Variants in PREX1 observed in about 807,000 individuals in gnomAD.
The protein encoded by PREX1 is phosphatidylinositol-3,4,5-trisphosphate dependent Rac exchange factor 1, also known as phosphatidylinositol 3,4,5-trisphosphate-dependent Rac exchanger 1 protein.
PREX1 carries 41 observed loss-of-function variants against 198.3 expected under a neutral mutation model. The ratio of observed to expected loss-of-function variants is 0.21; its 90% confidence interval spans 0.16 to 0.27. The LOEUF is 0.27. Among genes scored for constraint, PREX1 ranks in the 10% least tolerant of loss-of-function variants. The pLI, the probability that PREX1 is intolerant of heterozygous loss-of-function variation, is 1.00. For synonymous variants in PREX1, 843 were observed against 887.2 expected, an observed-to-expected ratio of 0.95 and a Z score of 0.89; for missense variants, 1,620 against 2,200.7, an observed-to-expected ratio of 0.74 and a Z score of 5.28.
chr20:48,714,493 T>A, intron 5 of PREX1, among the ~76,000 whole-genome samples: 1 of 152,048 alleles, frequency 6.6e-6, no homozygotes, highest in East Asian at 1.9e-4. Flanking sequence ...GATACACAAA[T>A]GTCCAATAAG....
intron 15 of PREX1, among the ~76,000 whole-genome samples, chr20:48,663,910 G>A (rs529219776): frequency 3.0e-4 from 45 of 150,126 alleles, no homozygotes; most frequent in East Asian, 2.1e-3. Flanking sequence ...GTGAGTGCGC[G>A]CACACACACA....
chr20:48,659,784 CT>C (rs2089576350), intron 16 of PREX1, 134 bp downstream of exon 16: 1 of 1,265,340 alleles, frequency 7.9e-7, no homozygotes, highest in African/African-American at 1.5e-5. Context: ...GAGTTGCCCC[CT>C]ACCACCTAGA....
At chr20:48,734,041 C>T (rs968051384) in intron 4 of PREX1, among the ~76,000 whole-genome samples, 5 of 152,178 alleles carry the variant, frequency 3.3e-5, no homozygotes, top group African/African-American at 1.2e-4. Flanking sequence ...CGTGAGTCCC[C>T]GCACCTGGCC....
Position 48,666,075 on chromosome 20 carries a change from C to G in PREX1, c.1738+208G>C, listed in dbSNP as rs1012487620. On this transcript the variant is annotated intron_variant, in intron 15 of 39. Coordinates refer to ENST00000371941, the MANE Select transcript of PREX1 (RefSeq NM_020820.4). This position sits in a 1 kb window ranked among gnomAD's most constrained non-coding sequence, Gnocchi z 4.3. ...GACTTCAAATCTAGCCCATGTCCTT[C>G]CAGCCATTTTGGTCCCCAGTGGACA... Among the ~76,000 whole-genome samples, 1 of 152,210 alleles carries G rather than the reference C, an allele frequency of 6.6e-6. No individual in the cohort carries two copies. Among genetic ancestry groups the G allele is most frequent in the Non-Finnish European group, 1.5e-5 (1 of 68,030 alleles).
intron 8 of PREX1, 153 bp downstream of exon 8, chr20:48,692,519 T>C (rs1296736417): frequency 3.4e-6 from 2 of 586,886 alleles, no homozygotes; most frequent in Non-Finnish European, 6.0e-6. Flanking sequence ...ACCACCCAGA[T>C]GTTCGCTTCA....
intron 15 of PREX1, among the ~76,000 whole-genome samples, chr20:48,664,190 C>T (rs560199383): frequency 1.8e-4 from 28 of 152,252 alleles, no homozygotes; most frequent in Middle Eastern, 3.4e-3. Context: ...CTGGCTAACA[C>T]GGTGAAATGC....
chr20:48,642,435 T>A lies in PREX1; in HGVS notation c.3656A>T (p.His1219Leu), dbSNP rs1236698159. The A allele has an allele frequency of 1.9e-6, 3 of 1,613,560 alleles. No individual in the cohort carries two copies. Among genetic ancestry groups the A allele is most frequent in the Non-Finnish European group, 2.5e-6 (3 of 1,179,582 alleles). Residue 1219 changes from histidine (H) to leucine (L), a missense_variant, in exon 28 of 40, where the codon CAT (histidine) becomes CTT (leucine). His to Leu is a moderately conservative substitution (Grantham distance 99). This residue lies in a region of PREX1 where 476 missense variants were observed against 603.4 expected (regional missense o/e 0.79). Transcript: ENST00000371941. ...GTTAAAGAGGTGCTCCAGGCAGCCA[T>A]GAAGCTTGTCCTGCTTGTCAGATGG... Reference protein sequence around the residue: ...RIPSDKQDKLHGCLEHLFNQV... With the variant: ...RIPSDKQDKLLGCLEHLFNQV...
rs578128190 is a variant in PREX1, at chr20:48,684,662, G to A, written c.1335-3327C>T. On this transcript the variant is annotated intron_variant, in intron 10 of 39. Transcript: ENST00000371941. This position sits in a 1 kb window ranked among gnomAD's most constrained non-coding sequence, Gnocchi z 4.2. ...CTCCGACAGCTCCACCAATGCCCTC[G>A]ATCTGGATCCTCATCTCACTCCACT... 6.6e-6 allele frequency among the ~76,000 whole-genome samples: 1 copy of A among 152,208 alleles called. No homozygotes were observed. The highest frequency in any genetic ancestry group is 2.1e-4 in the South Asian group (1 of 4,800).
chr20:48,883,532 A>G, the PREX1 span, among the ~76,000 whole-genome samples: 6 of 152,224 alleles, frequency 3.9e-5, no homozygotes, highest in African/African-American at 1.2e-4. Flanking sequence ...AGAATTAATA[A>G]ACAAGCTTAG....
chr20:48,799,067 A>G (rs1028739931), intron 1 of PREX1, among the ~76,000 whole-genome samples: 2 of 152,176 alleles, frequency 1.3e-5, no homozygotes, highest in African/African-American at 4.8e-5. Context: ...TATTTTTAGT[A>G]GAGACGGGGT....
rs1311950867 is a variant in PREX1 at position 48,691,830 on chromosome 20, TG to T, written c.1037-735del. Among the ~76,000 whole-genome samples, 4 of 152,104 alleles carry T rather than the reference TG, an allele frequency of 2.6e-5. No individual in the cohort carries two copies. Among genetic ancestry groups the T allele is most frequent in the Non-Finnish European group, 4.4e-5 (3 of 68,014 alleles). On this transcript the variant is annotated intron_variant, in intron 8 of 39. Transcript: ENST00000371941. This position sits in a 1 kb window ranked among gnomAD's most constrained non-coding sequence, Gnocchi z 5.0. Reference sequence around the variant, plus strand: ...CTGCAAACAGCTACATGCAGAGACATGGATGAACCCCACTAACGTGGTGTTG... The same window carrying T: ...CTGCAAACAGCTACATGCAGAGACATGATGAACCCCACTAACGTGGTGTTG...
chr20:48,847,260 G>A, the PREX1 span, among the ~76,000 whole-genome samples: 2 of 151,616 alleles, frequency 1.3e-5, no homozygotes, highest in African/African-American at 2.4e-5. Context: ...GAGATTTGGG[G>A]GAGAGATCAA....
At chr20:48,644,081 C>G (rs543319353) in intron 27 of PREX1, among the ~76,000 whole-genome samples, 4 of 152,354 alleles carry the variant, frequency 2.6e-5, no homozygotes, top group Admixed American at 2.6e-4. Context: ...TCAGCACACG[C>G]ATCACAACAT....
At chr20:48,690,831 C>A (rs940063814) in intron 9 of PREX1, 116 bp downstream of exon 9, 1 of 1,424,590 alleles carries the variant, frequency 7.0e-7, no homozygotes, top group African/African-American at 1.4e-5. Context: ...CTGCTTCTTA[C>A]AGCTCTGATC....
Position 48,810,585 on chromosome 20 carries a change from T to TAAA in PREX1, c.219+17054_219+17056dup, listed in dbSNP as rs760906489. 1.6e-3 allele frequency among the ~76,000 whole-genome samples: 126 copies of TAAA among 77,586 alleles called. 3 individuals carry two copies. The highest frequency in any genetic ancestry group is 6.0e-3 in the African/African-American group (120 of 19,868). 50.9% of individuals were successfully genotyped at this position (77,586 alleles called of 152,430 possible). On this transcript the variant is annotated intron_variant, in intron 1 of 39. Transcript: ENST00000371941. ...CAGCAAGGCAAGATCTCACCTCAAT[T>TAAA]AAAAAAAAAAAAAAAAAAAGGCAGG...
At chr20:48,740,291 G>A (rs1269362092) in intron 3 of PREX1, among the ~76,000 whole-genome samples, 1 of 152,222 alleles carries the variant, frequency 6.6e-6, no homozygotes, top group African/African-American at 2.4e-5. Context: ...TCAAATGCCT[G>A]TCACAGAGAC....
At position 48,655,359 on chromosome 20, in the gene PREX1, C is replaced by T. The variant is rs750980957; in HGVS notation, c.2140G>A (p.Asp714Asn). The change falls in exon 19 of 40, where the codon GAC becomes AAC. Residue 714 changes from aspartate to asparagine, a missense_variant. Asp to Asn is a conservative substitution (Grantham distance 23). Transcript: ENST00000371941. ...TKAKEIIKIP[D>N]QPDTLCFQIR... ...TGGAAGCACAGTGTGTCCGGCTGGT[C>T]GGGGATTTTGATGATCCTGCACCAG... 5 of 1,587,450 alleles carry T rather than the reference C, an allele frequency of 3.1e-6. No homozygotes were observed. The highest frequency in any genetic ancestry group is 4.3e-6 in the Non-Finnish European group (5 of 1,164,560).
At chr20:48,738,884 C>T (rs2090068786) in intron 3 of PREX1, among the ~76,000 whole-genome samples, 1 of 152,162 alleles carries the variant, frequency 6.6e-6, no homozygotes, top group Non-Finnish European at 1.5e-5. Flanking sequence ...CTGGCCCATG[C>T]AGACATATTC....
intron 15 of PREX1, among the ~76,000 whole-genome samples, chr20:48,664,248 G>A (rs1316127496): frequency 6.6e-6 from 1 of 152,116 alleles, no homozygotes; most frequent in Non-Finnish European, 1.5e-5. Context: ...GGTGGCGGGT[G>A]CCTGCGGTCC....
Sources: gnomAD v4.1 joint callset for allele counts (sites outside exome capture counted in the v4.1 genomes callset) on GRCh38, gnomAD v4.1.1 for gene constraint, gnomAD v4.1.1 regional missense constraint, Gnocchi (gnomAD v3.1) non-coding constraint, MANE v1.5 for transcripts, NCBI Gene and HGNC (gene_info 2026-07-23, HGNC 2026-07-21) for gene names.